ALKBH5: variants seen among roughly 807,000 people sequenced by gnomAD.
ALKBH5 encodes alkB homolog 5, RNA demethylase, also known as RNA demethylase ALKBH5.
A neutral mutation model predicts 32.1 loss-of-function variants in ALKBH5; 2 were observed. The observed-to-expected ratio is 0.06, with a 90% CI of 0.03 to 0.20. The LOEUF is 0.20. Among genes scored for constraint, ALKBH5 ranks in the 10% least tolerant of loss-of-function variants. The probability of loss-of-function intolerance (pLI) is 1.00; values close to 1 mark genes in which losing one functional copy is unlikely to be tolerated. For missense variants in ALKBH5, 352 were observed against 559.5 expected (o/e 0.63, Z 3.74); for synonymous variants, 300 against 231.7 (o/e 1.29, Z -2.68).
intron 1 of ALKBH5, among the ~76,000 whole-genome samples, chr17:18,192,639 T>TAA (rs2047183275): frequency 6.6e-6 from 1 of 152,204 alleles, no homozygotes; most frequent in African/African-American, 2.4e-5. Context: ...AACCCAGGTC[T>TAA]CTTCAACTCA....
In ALKBH5 at chr17:18,208,494, GTT is replaced by G; in HGVS notation, c.*103_*104del. 2 of 512,880 alleles carry G rather than the reference GTT, an allele frequency of 3.9e-6. No homozygotes were observed. The highest frequency in any genetic ancestry group is 6.2e-6 in the Non-Finnish European group (2 of 322,276). 31.8% of individuals were successfully genotyped at this position (512,880 alleles called of 1,614,324 possible). A position where few individuals can be genotyped will look rare whatever the true frequency, so the allele number is the denominator to read the frequency against. On this transcript the variant is annotated 3_prime_UTR_variant, in exon 4 of 4. Transcript: ENST00000399138. ...TGTTTTTGTTCATTGGGGGGTTTTT[GTT>G]TTTTGTTTTTTGTTTTTTTTGATTC...
chr17:18,183,953 C>T lies in ALKBH5; in HGVS notation c.-291C>T, dbSNP rs779675492. 16 of 607,256 alleles carry T rather than the reference C, an allele frequency of 2.6e-5. 1 individual carries two copies. Among genetic ancestry groups the T allele is most frequent in the Middle Eastern group, 5.5e-4 (2 of 3,640 alleles). 37.6% of individuals were successfully genotyped at this position (607,256 alleles called of 1,614,324 possible). On this transcript the variant is annotated 5_prime_UTR_variant, in exon 1 of 4. Coordinates refer to ENST00000399138, the MANE Select transcript of ALKBH5 (RefSeq NM_017758.4). ...TCTGGTCGGGAGTCGGGCCGCGTCTCCGCAGCAGCCCTCCGCGGCATGAGG... is the reference window on the plus strand; with the variant it reads ...TCTGGTCGGGAGTCGGGCCGCGTCTTCGCAGCAGCCCTCCGCGGCATGAGG...
intron 2 of ALKBH5, among the ~76,000 whole-genome samples, chr17:18,200,825 AAC>A (rs1425066119): frequency 1.3e-5 from 2 of 152,216 alleles, no homozygotes; most frequent in Non-Finnish European, 2.9e-5. Context: ...TCTGTTCTGG[AAC>A]ACAGAATAGA....
chr17:18,185,525 G>A (rs1030435296), intron 1 of ALKBH5, among the ~76,000 whole-genome samples: 2 of 152,186 alleles, frequency 1.3e-5, no homozygotes, highest in Non-Finnish European at 2.9e-5. Context: ...ATTCCCAGGA[G>A]GGGGAGTGAC....
At chr17:18,194,135 C>CT (rs935998815) in intron 1 of ALKBH5, among the ~76,000 whole-genome samples, 74 of 62,598 alleles carry the variant, frequency 1.2e-3, no homozygotes, top group South Asian at 1.9e-3. Flanking sequence ...GATGGAAATC[C>CT]TTTTTTTTTG....
intron 2 of ALKBH5, among the ~76,000 whole-genome samples, chr17:18,197,447 A>C (rs2047210831): frequency 6.6e-6 from 1 of 152,240 alleles, no homozygotes; most frequent in Non-Finnish European, 1.5e-5. Context: ...TGGCCTGCCC[A>C]GGCCAGGAAC....
chr17:18,202,921 A>G (rs934396628), intron 2 of ALKBH5, among the ~76,000 whole-genome samples: 2 of 152,046 alleles, frequency 1.3e-5, no homozygotes, highest in Non-Finnish European at 2.9e-5. Context: ...TAAAAATACA[A>G]AAATTAGCTG....
intron 1 of ALKBH5, among the ~76,000 whole-genome samples, chr17:18,192,929 G>C (rs746286728): frequency 7.0e-6 from 1 of 143,428 alleles, no homozygotes; most frequent in Non-Finnish European, 1.5e-5. Flanking sequence ...GCACTATCTC[G>C]GCTCACGGCA....
intron 1 of ALKBH5, among the ~76,000 whole-genome samples, chr17:18,188,378 G>A (rs1249542908): frequency 6.6e-6 from 1 of 152,254 alleles, no homozygotes; most frequent in Non-Finnish European, 1.5e-5. Context: ...ACCCAGGCAC[G>A]GGGCATGCAC....
intron 2 of ALKBH5, 21 bp downstream of exon 2, chr17:18,195,056 C>T: frequency 1.9e-6 from 3 of 1,606,854 alleles, no homozygotes; most frequent in Non-Finnish European, 2.6e-6. Context: ...TGATGTCTGA[C>T]CTTCTGCCTC....
At chr17:18,201,297 C>G (rs1167488369) in intron 2 of ALKBH5, among the ~76,000 whole-genome samples, 1 of 152,220 alleles carries the variant, frequency 6.6e-6, no homozygotes, top group African/African-American at 2.4e-5. Flanking sequence ...CCTGACTGTT[C>G]TGATGTGTCT....
intron 2 of ALKBH5, among the ~76,000 whole-genome samples, chr17:18,199,389 G>A (rs1483846278): frequency 1.3e-5 from 2 of 152,224 alleles, no homozygotes; most frequent in African/African-American, 2.4e-5. Context: ...AACTTCTGGG[G>A]TATAATAATT....
intron 1 of ALKBH5, among the ~76,000 whole-genome samples, chr17:18,189,575 A>G (rs2047161412): frequency 6.6e-6 from 1 of 152,174 alleles, no homozygotes. Flanking sequence ...ACCAGGAAAC[A>G]CAGATGGGCT....
chr17:18,199,924 A>C (rs1314272106), intron 2 of ALKBH5, among the ~76,000 whole-genome samples: 1 of 151,910 alleles, frequency 6.6e-6, no homozygotes, highest in Non-Finnish European at 1.5e-5. Flanking sequence ...GACTAACGTG[A>C]TGAAAATTCT....
intron 1 of ALKBH5, among the ~76,000 whole-genome samples, chr17:18,187,462 G>C (rs900446524): frequency 6.6e-6 from 1 of 152,094 alleles, no homozygotes; most frequent in East Asian, 1.9e-4. Flanking sequence ...GAGGCTGTTC[G>C]TGCATTGTAG....
intron 1 of ALKBH5, among the ~76,000 whole-genome samples, chr17:18,194,134 C>T (rs796688102): frequency 6.2e-5 from 8 of 129,980 alleles, no homozygotes; most frequent in African/African-American, 2.1e-4. Context: ...TGATGGAAAT[C>T]CTTTTTTTTT....
At chr17:18,208,033 G>A (rs2047280035) in intron 3 of ALKBH5, among the ~76,000 whole-genome samples, 186 bp from the exon 4 acceptor site, 1 of 152,194 alleles carries the variant, frequency 6.6e-6, no homozygotes, top group African/African-American at 2.4e-5. Flanking sequence ...ATGTCCCAAA[G>A]ACTGGGATGG....
At position 18,184,422 on chromosome 17, in the gene ALKBH5, A is replaced by G. The variant is rs1416073756; in HGVS notation, c.179A>G (p.Tyr60Cys). 2 of 1,588,724 alleles carry G rather than the reference A, an allele frequency of 1.3e-6. No homozygotes were observed. The highest frequency in any genetic ancestry group is 2.7e-5 in the African/African-American group (2 of 74,520). Residue 60 changes from tyrosine to cysteine, a missense_variant, in exon 1 of 4, where the codon TAT (tyrosine) becomes TGT (cysteine). Tyr to Cys is a radical substitution (Grantham distance 194, BLOSUM62 -2). Coordinates refer to ENST00000399138, the MANE Select transcript of ALKBH5 (RefSeq NM_017758.4). ...CCTGTGTCCGGGGCCAAGCGCAAGT[A>G]TCAGGAGGACTCGGACCCCGAGCGC... ...PYPVSGAKRKYQEDSDPERSD... is the reference protein window; with the variant it reads ...PYPVSGAKRKCQEDSDPERSD...
intron 3 of ALKBH5, 46 bp downstream of exon 3, chr17:18,207,016 G>A (rs745994968): frequency 2.7e-5 from 44 of 1,601,608 alleles, no homozygotes; most frequent in Non-Finnish European, 3.7e-5. Flanking sequence ...AGGCCTGGCT[G>A]CAGGGTGAGA....
Sources: gnomAD v4.1 joint callset for allele counts (sites outside exome capture counted in the v4.1 genomes callset) on GRCh38, gnomAD v4.1.1 for gene constraint, MANE v1.5 for transcripts, NCBI Gene and HGNC (gene_info 2026-07-23, HGNC 2026-07-21) for gene names.